CNTNAP2: variants seen among roughly 807,000 people sequenced by gnomAD.
CNTNAP2 encodes the protein contactin associated protein 2.
A neutral mutation model predicts 155.2 loss-of-function variants in CNTNAP2; 98 were observed. The observed-to-expected ratio is 0.63, with a 90% CI of 0.54 to 0.75. The LOEUF (loss-of-function observed/expected upper bound fraction) is 0.75, where lower values mean the gene tolerates loss of function less well. CNTNAP2 is among the 30% of genes least tolerant of loss of function. CNTNAP2 has a pLI of 0.00. For missense variants in CNTNAP2, 1,727 were observed against 1,688.1 expected, an observed-to-expected ratio of 1.02 and a Z score of -0.40; for synonymous variants, 651 against 631.2, an observed-to-expected ratio of 1.03 and a Z score of -0.47.
chr7:146,729,300 C>T (rs913055964), intron 1 of CNTNAP2, among the ~76,000 whole-genome samples: 37 of 152,080 alleles, frequency 2.4e-4, no homozygotes, highest in African/African-American at 8.5e-4. Flanking sequence ...GGCATGATCA[C>T]AGTGAGTTTT....
At chr7:147,233,695 T>A (rs1436128353) in intron 8 of CNTNAP2, among the ~76,000 whole-genome samples, 1 of 152,036 alleles carries the variant, frequency 6.6e-6, no homozygotes, top group African/African-American at 2.4e-5. Flanking sequence ...AATTTATTTT[T>A]TAAATACTAT....
intron 1 of CNTNAP2, among the ~76,000 whole-genome samples, chr7:146,216,577 C>T (rs1364792248): frequency 5.9e-5 from 9 of 152,236 alleles, no homozygotes; most frequent in Middle Eastern, 3.4e-3. Context: ...AATCCCTGAC[C>T]GACCTGGAAG....
chr7:148,069,498 C>T (rs1803337576), intron 15 of CNTNAP2, among the ~76,000 whole-genome samples: 1 of 152,074 alleles, frequency 6.6e-6, no homozygotes, highest in Non-Finnish European at 1.5e-5. Flanking sequence ...CACGGTGGCT[C>T]ACACCTGTAA....
At chr7:147,043,726 A>T (rs956115879) in intron 3 of CNTNAP2, among the ~76,000 whole-genome samples, 181 bp from the exon 4 acceptor site, 8 of 152,236 alleles carry the variant, frequency 5.3e-5, no homozygotes, top group Admixed American at 3.3e-4. Flanking sequence ...CCTGTTTTCC[A>T]CTTAAAACTG....
intron 1 of CNTNAP2, among the ~76,000 whole-genome samples, chr7:146,672,078 T>C (rs1419790560): frequency 1.3e-5 from 2 of 152,142 alleles, no homozygotes; most frequent in African/African-American, 2.4e-5. Flanking sequence ...CCTCCCAAAG[T>C]GCTGGGATTA....
chr7:148,045,704 T>C (rs113270530), intron 15 of CNTNAP2, among the ~76,000 whole-genome samples: 113 of 152,294 alleles, frequency 7.4e-4, no homozygotes, highest in African/African-American at 2.7e-3. Context: ...CTAGCTTATT[T>C]GAGAAACCAT....
At chr7:148,078,705 C>A (rs557217296) in intron 15 of CNTNAP2, among the ~76,000 whole-genome samples, 31 of 152,162 alleles carry the variant, frequency 2.0e-4, no homozygotes, top group African/African-American at 7.2e-4. Context: ...GGTCTCTAAC[C>A]CCTGACCTCA....
chr7:146,254,888 TA>T (rs149025360), intron 1 of CNTNAP2, among the ~76,000 whole-genome samples: 2 of 151,742 alleles, frequency 1.3e-5, no homozygotes, highest in African/African-American at 4.8e-5. Context: ...TGGTATCATT[TA>T]AAAAAAATAG....
At chr7:148,414,322 C>T (rs560524687) in intron 23 of CNTNAP2, among the ~76,000 whole-genome samples, 6 of 152,216 alleles carry the variant, frequency 3.9e-5, no homozygotes, top group Admixed American at 2.6e-4. Flanking sequence ...TCAAGTAATC[C>T]GCCCGCCTCA....
intron 13 of CNTNAP2, among the ~76,000 whole-genome samples, chr7:147,864,883 T>A (rs1473402088): frequency 6.6e-6 from 1 of 152,208 alleles, no homozygotes; most frequent in African/African-American, 2.4e-5. Flanking sequence ...CAGGGACAAT[T>A]TGACTTCCTC....
Position 147,962,394 on chromosome 7 carries a change from T to C in CNTNAP2, c.2256-15468T>C, listed in dbSNP as rs555885347. On this transcript the variant is annotated intron_variant, in intron 14 of 23. Transcript: ENST00000361727. The stretch of plus-strand genomic sequence containing the variant: ...GAGGCAGCCAAGCTCAGAGGAAGGG[T>C]GAGAGACTTGATCAGCTGCCCCTCC... 6.6e-5 allele frequency among the ~76,000 whole-genome samples: 10 copies of C among 152,250 alleles called. No individual in the cohort carries two copies. The South Asian group carries it at 2.1e-3, about 32-fold the overall frequency.
chr7:146,486,043 AGT>A (rs1797050932), intron 1 of CNTNAP2, among the ~76,000 whole-genome samples: 1 of 114,076 alleles, frequency 8.8e-6, no homozygotes, highest in Non-Finnish European at 1.8e-5. Flanking sequence ...AACCCACAGC[AGT>A]CTTTTTTTTT....
At chr7:147,486,149 C>G (rs562433032) in intron 11 of CNTNAP2, 108 bp downstream of exon 11, 4 of 798,726 alleles carry the variant, frequency 5.0e-6, no homozygotes, top group Non-Finnish European at 8.1e-6. Flanking sequence ...ATACATCACT[C>G]GAATCTGAAA....
Position 146,597,886 on chromosome 7 carries a change from C to T in CNTNAP2, c.98-176385C>T, listed in dbSNP as rs184817963. Among the ~76,000 whole-genome samples, 139 of 152,256 alleles carry T rather than the reference C, an allele frequency of 9.1e-4. 1 individual carries two copies. In the Middle Eastern group the frequency reaches 0.014, roughly 15 times the overall value. On this transcript the variant is annotated intron_variant, in intron 1 of 23. Transcript: ENST00000361727. ...ATTATAACAATCAGCAAAATCCTCTCTACTCCGAACCTCTTCTCCTAGAGT... is the reference window on the plus strand; with the variant it reads ...ATTATAACAATCAGCAAAATCCTCTTTACTCCGAACCTCTTCTCCTAGAGT...
intron 1 of CNTNAP2, among the ~76,000 whole-genome samples, chr7:146,516,453 T>G (rs964548975): frequency 6.6e-6 from 1 of 152,154 alleles, no homozygotes; most frequent in Non-Finnish European, 1.5e-5. Context: ...TAAAATAAAT[T>G]TTCCTCATAT....
At chr7:146,792,363 T>C (rs1802690202) in intron 2 of CNTNAP2, among the ~76,000 whole-genome samples, 1 of 152,190 alleles carries the variant, frequency 6.6e-6, no homozygotes, top group Admixed American at 6.5e-5. Context: ...TGGCTTTGTC[T>C]TGTCAAAGAA....
At chr7:147,928,945 A>T (rs1800447712) in intron 14 of CNTNAP2, among the ~76,000 whole-genome samples, 2 of 151,768 alleles carry the variant, frequency 1.3e-5, no homozygotes, top group African/African-American at 4.8e-5. Context: ...ATACAAAATT[A>T]GCTGGGTGTG....
At chr7:146,133,133 T>C (rs1160275825) in intron 1 of CNTNAP2, among the ~76,000 whole-genome samples, 1 of 151,518 alleles carries the variant, frequency 6.6e-6, no homozygotes, top group East Asian at 1.9e-4. Context: ...TATCTCGTTG[T>C]GGTTTTGATT....
At chr7:146,139,171 T>C (rs887595486) in intron 1 of CNTNAP2, among the ~76,000 whole-genome samples, 2 of 152,108 alleles carry the variant, frequency 1.3e-5, no homozygotes, top group African/African-American at 4.8e-5. Flanking sequence ...CCTCCCAGCA[T>C]GTGAGAAATT....
Sources: allele counts gnomAD v4.1 joint callset (sites outside exome capture counted in the v4.1 genomes callset), GRCh38; gene constraint gnomAD v4.1.1; transcripts MANE v1.5; gene names NCBI Gene and HGNC (gene_info 2026-07-23, HGNC 2026-07-21).